Variants in MBP observed in about 807,000 individuals in gnomAD.
MBP encodes myelin basic protein, also known as Golli-MBP.
A neutral mutation model predicts 35.8 loss-of-function variants in MBP; 16 were observed. The observed-to-expected ratio is 0.45, with a 90% CI of 0.30 to 0.68. MBP has a LOEUF of 0.68. Ranked by LOEUF, MBP falls within the 30% of genes least tolerant of loss-of-function variation. MBP has a pLI of 0.08. For missense variants in MBP, 380 were observed against 404.7 expected (o/e 0.94, Z 0.52); for synonymous variants, 143 against 159.6 (o/e 0.90, Z 0.78).
At position 77,131,843 on chromosome 18, in the gene MBP, G is replaced by GGCGGGCGGCT. The variant is rs966905959; in HGVS notation, c.-26+727_-26+736dup. ...ACTGCCGGGAAGACCCGGGCGGGCC[G>GGCGGGCGGCT]GCGGGCGGCTGCGGGCGGCGCACGT... is the stretch of plus-strand genomic sequence containing the variant. On this transcript the variant is annotated intron_variant, in intron 1 of 8. Coordinates refer to ENST00000355994, the MANE Select transcript of MBP (RefSeq NM_001025101.2). The surrounding 1 kb of genome is among the most constrained non-coding windows in gnomAD (Gnocchi z 5.5). Among the ~76,000 whole-genome samples the GGCGGGCGGCT allele has an allele frequency of 6.6e-6, 1 of 152,082 alleles. No homozygotes were observed. Among genetic ancestry groups the GGCGGGCGGCT allele is most frequent in the African/African-American group, 2.4e-5 (1 of 41,434 alleles).
At chr18:77,030,488 T>C (rs977976088) in intron 3 of MBP, among the ~76,000 whole-genome samples, 1 of 152,242 alleles carries the variant, frequency 6.6e-6, no homozygotes, top group East Asian at 1.9e-4. Flanking sequence ...GGCCCTGTGG[T>C]ACCGGTACAT....
rs886616557 is a variant in MBP at position 77,027,998 on chromosome 18, A to T, written c.140-10730T>A. ...CCAGCTAATTTTTATTTATTTATTT[A>T]TTTATTTTTTTATTGATCATTCTTG... On this transcript the variant is annotated intron_variant, in intron 3 of 8. Transcript: ENST00000355994. 1.3e-3 allele frequency among the ~76,000 whole-genome samples: 199 copies of T among 150,526 alleles called. 1 individual carries two copies. The highest frequency in any genetic ancestry group is 3.7e-3 in the African/African-American group (152 of 40,886).
At chr18:77,094,950 C>T (rs535391487) in intron 2 of MBP, among the ~76,000 whole-genome samples, 3 of 152,346 alleles carry the variant, frequency 2.0e-5, no homozygotes, top group African/African-American at 7.2e-5. Context: ...AGAACATCTC[C>T]ATTATGGCAG....
intron 1 of MBP, among the ~76,000 whole-genome samples, chr18:77,111,823 AC>A (rs1231637356): frequency 1.3e-5 from 2 of 152,172 alleles, no homozygotes; most frequent in Non-Finnish European, 2.9e-5. Context: ...AGGCCCTATA[AC>A]TCTGCTTCTT....
chr18:77,095,183 G>A (rs760996813), intron 2 of MBP, among the ~76,000 whole-genome samples: 1 of 152,232 alleles, frequency 6.6e-6, no homozygotes, highest in Non-Finnish European at 1.5e-5. Flanking sequence ...TAAAAAGCCT[G>A]TCGGCACCCA....
intron 4 of MBP, among the ~76,000 whole-genome samples, chr18:77,011,817 A>G (rs1971370864): frequency 6.6e-6 from 1 of 152,176 alleles, no homozygotes; most frequent in Non-Finnish European, 1.5e-5. Context: ...AAAGGAAAAA[A>G]CTTTTAAAAA....
At chr18:77,075,326 T>C (rs1262543166) in intron 2 of MBP, among the ~76,000 whole-genome samples, 1 of 152,238 alleles carries the variant, frequency 6.6e-6, no homozygotes, top group Non-Finnish European at 1.5e-5. Context: ...TAAAATGGAA[T>C]TGATAAGAGA....
chr18:77,053,375 AAG>A (rs1385580286), intron 3 of MBP, among the ~76,000 whole-genome samples: 1 of 152,260 alleles, frequency 6.6e-6, no homozygotes, highest in Non-Finnish European at 1.5e-5. Context: ...CCCTGCAGCC[AAG>A]ACGCCAGTGT....
rs1426077680 is a variant in MBP at position 76,988,127 on chromosome 18, G to A, written c.750+368C>T. ...GCCAGCCAGTCCCACTTCCACATGC[G>A]GGTTCCTGGGGCTTCTCGCACTGGT... is the stretch of plus-strand genomic sequence containing the variant. On this transcript the variant is annotated intron_variant, in intron 7 of 8. Transcript: ENST00000355994. This position sits in a 1 kb window ranked among gnomAD's most constrained non-coding sequence, Gnocchi z 5.2. 5 of 1,522,796 alleles carry A rather than the reference G, an allele frequency of 3.3e-6. No individual in the cohort carries two copies. Among genetic ancestry groups the A allele is most frequent in the African/African-American group, 1.4e-5 (1 of 72,760 alleles). 94.3% of individuals were successfully genotyped at this position (1,522,796 alleles called of 1,614,324 possible).
chr18:77,028,223 T>G (rs1266622658), intron 3 of MBP, among the ~76,000 whole-genome samples: 1 of 139,816 alleles, frequency 7.2e-6, no homozygotes, highest in African/African-American at 2.6e-5. Context: ...AAGCATCTGT[T>G]TAACAAAGCA....
intron 2 of MBP, among the ~76,000 whole-genome samples, chr18:77,096,815 T>C (rs748799334): frequency 1.7e-4 from 26 of 152,154 alleles, no homozygotes; most frequent in South Asian, 2.1e-4. Flanking sequence ...AAACTACAAG[T>C]TGTGTTTTTA....
chr18:77,051,407 C>T (rs57222882), intron 3 of MBP, among the ~76,000 whole-genome samples: 16,524 of 152,222 alleles, frequency 0.11, 1,575 homozygotes, highest in East Asian at 0.32. Context: ...CCACCACTGT[C>T]GGCCTGGCTC....
At chr18:77,046,196 T>C (rs553429235) in intron 3 of MBP, among the ~76,000 whole-genome samples, 4 of 152,346 alleles carry the variant, frequency 2.6e-5, no homozygotes, top group South Asian at 2.1e-4. Flanking sequence ...TTAAAACCTA[T>C]AGAGACTTCA....
chr18:77,003,003 GA>G (rs1970720017), intron 4 of MBP: 1 of 152,176 alleles, frequency 6.6e-6, no homozygotes, highest in Non-Finnish European at 1.5e-5. Flanking sequence ...AGTGTCTAGG[GA>G]ATGAGGGAAG....
At chr18:77,035,808 G>A (rs1265940722) in intron 3 of MBP, among the ~76,000 whole-genome samples, 5 of 152,196 alleles carry the variant, frequency 3.3e-5, no homozygotes, top group South Asian at 4.1e-4. Context: ...GAACAAACAC[G>A]TTGCCAGGAA....
In MBP at chr18:77,101,030, A is replaced by T. The variant is rs537976316; in HGVS notation, c.51+4181T>A. Among the ~76,000 whole-genome samples, 1 of 152,174 alleles carries T rather than the reference A, an allele frequency of 6.6e-6. No homozygotes were observed. Among genetic ancestry groups the T allele is most frequent in the African/African-American group, 2.4e-5 (1 of 41,450 alleles). On this transcript the variant is annotated intron_variant, in intron 2 of 8. Coordinates refer to ENST00000355994, the MANE Select transcript of MBP (RefSeq NM_001025101.2). The surrounding 1 kb of genome is among the most constrained non-coding windows in gnomAD (Gnocchi z 4.3). ...TTCTGAGCGCTTGCTGACCCTCCCA[A>T]AGGTAACTGCCCAGCCCCTTTGATT...
intron 2 of MBP, among the ~76,000 whole-genome samples, chr18:77,094,791 G>T (rs183128970): frequency 1.3e-5 from 2 of 152,296 alleles, no homozygotes; most frequent in East Asian, 1.9e-4. Flanking sequence ...TGTCCCAGGG[G>T]GGAGCCACTC....
At chr18:77,012,055 G>A (rs1187860565) in intron 4 of MBP, among the ~76,000 whole-genome samples, 1 of 152,226 alleles carries the variant, frequency 6.6e-6, no homozygotes, top group Non-Finnish European at 1.5e-5. Context: ...AAATGCAAAT[G>A]AGTTTAAAGG....
chr18:77,085,384 G>A (rs1975179784), intron 2 of MBP, among the ~76,000 whole-genome samples: 1 of 152,142 alleles, frequency 6.6e-6, no homozygotes, highest in South Asian at 2.1e-4. Context: ...TGTGTAGCTT[G>A]GCCCTGCCAA....
Sources: allele counts gnomAD v4.1 joint callset (sites outside exome capture counted in the v4.1 genomes callset), GRCh38; gene constraint gnomAD v4.1.1; non-coding constraint Gnocchi (gnomAD v3.1); transcripts MANE v1.5; gene names NCBI Gene and HGNC (gene_info 2026-07-23, HGNC 2026-07-21).